EPHA5: variants seen among roughly 807,000 people sequenced by gnomAD.
EPHA5 encodes the protein EPH receptor A5, also known as ephrin type-A receptor 5.
EPHA5 carries 60 observed loss-of-function variants against 105.0 expected under a neutral mutation model. The observed-to-expected ratio is 0.57, with a 90% CI of 0.46 to 0.71. The LOEUF (loss-of-function observed/expected upper bound fraction) is 0.71, where lower values mean the gene tolerates loss of function less well. EPHA5 is among the 30% of genes least tolerant of loss of function. EPHA5 has a pLI of 0.00. For missense variants in EPHA5, 1,218 were observed against 1,274.7 expected, an observed-to-expected ratio of 0.96 and a Z score of 0.68; for synonymous variants, 513 against 449.1, an observed-to-expected ratio of 1.14 and a Z score of -1.80.
At chr4:65,600,653 G>C (rs1237267693) in intron 3 of EPHA5, among the ~76,000 whole-genome samples, 1 of 152,068 alleles carries the variant, frequency 6.6e-6, no homozygotes, top group Non-Finnish European at 1.5e-5. Flanking sequence ...GTGGGACTAA[G>C]GGGCTGCTCA....
At chr4:65,500,157 A>G (rs138666087) in intron 3 of EPHA5, among the ~76,000 whole-genome samples, 110 of 151,618 alleles carry the variant, frequency 7.3e-4, no homozygotes, top group African/African-American at 2.5e-3. Context: ...CCAATCCAAA[A>G]TGGTTTATTA....
chr4:65,420,395 G>GA (rs138755728), intron 6 of EPHA5, 46 bp downstream of exon 6: 185,980 of 1,238,224 alleles, frequency 0.15, 5,750 homozygotes, highest in East Asian at 0.19. Context: ...TTGCTAAAAT[G>GA]AAAAAAAAAA....
chr4:65,329,810 T>A (rs1411051672), intron 16 of EPHA5, among the ~76,000 whole-genome samples: 7 of 26,452 alleles, frequency 2.6e-4, no homozygotes, highest in Non-Finnish European at 1.8e-4. Context: ...AATGACTGAC[T>A]TTTTTTTTTT....
intron 16 of EPHA5, among the ~76,000 whole-genome samples, chr4:65,328,351 C>A (rs1483037642): frequency 6.6e-6 from 1 of 151,042 alleles, no homozygotes; most frequent in Non-Finnish European, 1.5e-5. Flanking sequence ...AATGGAAAAA[C>A]ACTGATATTA....
At position 65,655,477 on chromosome 4, in the gene EPHA5, G is replaced by A. The variant is rs79699255; in HGVS notation, c.182-12050C>T. Reference sequence around the variant, plus strand: ...AGCCAGCTATGCCTTGGCTCAATGAGGTGAATCTACCTATTACACAGCTGT... The same window carrying A: ...AGCCAGCTATGCCTTGGCTCAATGAAGTGAATCTACCTATTACACAGCTGT... On this transcript the variant is annotated intron_variant, in intron 1 of 16. Transcript: ENST00000613740. 9.3e-3 allele frequency among the ~76,000 whole-genome samples: 1,413 copies of A among 152,152 alleles called. 25 individuals carry two copies. Among genetic ancestry groups the A allele is most frequent in the African/African-American group, 0.032 (1,325 of 41,520 alleles).
intron 7 of EPHA5, among the ~76,000 whole-genome samples, chr4:65,413,925 G>GA (rs1215117238): frequency 6.6e-6 from 1 of 152,072 alleles, no homozygotes; most frequent in Non-Finnish European, 1.5e-5. Context: ...AATTTTCAAA[G>GA]AAAGACTAAA....
intron 5 of EPHA5, among the ~76,000 whole-genome samples, chr4:65,486,024 C>T (rs1044688738): frequency 7.2e-5 from 11 of 152,092 alleles, no homozygotes; most frequent in African/African-American, 2.4e-4. Context: ...ACATTAACCA[C>T]CAGAAAAGAA....
intron 3 of EPHA5, among the ~76,000 whole-genome samples, chr4:65,519,251 A>G (rs749396932): frequency 6.6e-6 from 1 of 152,190 alleles, no homozygotes; most frequent in Non-Finnish European, 1.5e-5. Flanking sequence ...GTAAACCAGC[A>G]TATAAACAGA....
At chr4:65,582,544 C>CA (rs562889621) in intron 3 of EPHA5, among the ~76,000 whole-genome samples, 216 of 147,916 alleles carry the variant, frequency 1.5e-3, no homozygotes, top group South Asian at 3.8e-3. Flanking sequence ...GGCAAATTAT[C>CA]AAAAAAAAAT....
chr4:65,551,447 G>T (rs1737915307), intron 3 of EPHA5, among the ~76,000 whole-genome samples: 1 of 151,988 alleles, frequency 6.6e-6, no homozygotes, highest in Admixed American at 6.6e-5. Flanking sequence ...AAAAGCAATT[G>T]ACTGTCCTTA....
chr4:65,513,375 T>G (rs1433162711), intron 3 of EPHA5, among the ~76,000 whole-genome samples: 4 of 151,868 alleles, frequency 2.6e-5, no homozygotes, highest in Non-Finnish European at 4.4e-5. Flanking sequence ...AGATTTGGGG[T>G]TTTTTTGTTT....
At chr4:65,482,441 A>G (rs1730468510) in intron 5 of EPHA5, among the ~76,000 whole-genome samples, 1 of 152,170 alleles carries the variant, frequency 6.6e-6, no homozygotes, top group Admixed American at 6.5e-5. Context: ...TATTTTCTAT[A>G]CTGGGGAACA....
At chr4:65,360,202 T>C (rs1377850386) in intron 11 of EPHA5, among the ~76,000 whole-genome samples, 1 of 151,700 alleles carries the variant, frequency 6.6e-6, no homozygotes, top group African/African-American at 2.4e-5. Context: ...TTTAACATTA[T>C]TATCTTAAGT....
intron 13 of EPHA5, 71 bp downstream of exon 13, chr4:65,351,318 A>G (rs1456517123): frequency 1.5e-6 from 2 of 1,379,102 alleles, no homozygotes; most frequent in Middle Eastern, 1.9e-4. Context: ...TCTTTTAGCT[A>G]TTTCTTTCAG....
chr4:65,323,991 A>C lies in EPHA5; in HGVS notation c.*123T>G. 1 of 631,282 alleles carries C rather than the reference A, an allele frequency of 1.6e-6. No individual in the cohort carries two copies. Among genetic ancestry groups the C allele is most frequent in the South Asian group, 2.1e-5 (1 of 48,010 alleles). 39.1% of individuals were successfully genotyped at this position (631,282 alleles called of 1,614,324 possible). A position where few individuals can be genotyped will look rare whatever the true frequency, so the allele number is the denominator to read the frequency against. On this transcript the variant is annotated 3_prime_UTR_variant, in exon 17 of 17. Coordinates refer to ENST00000613740, the MANE Select transcript of EPHA5 (RefSeq NM_001281766.3). ...TGATTACAAATTCTGTGGCTGAGGCAAATGTTTTCTAAGGTTTAGAAATCA... is the reference window on the plus strand; with the variant it reads ...TGATTACAAATTCTGTGGCTGAGGCCAATGTTTTCTAAGGTTTAGAAATCA...
At position 65,669,989 on chromosome 4, in the gene EPHA5, A is replaced by G. The variant is rs1422026312; in HGVS notation, c.-247T>C. 1.0e-5 allele frequency: 5 copies of G among 477,912 alleles called. No individual in the cohort carries two copies. Among genetic ancestry groups the G allele is most frequent in the Non-Finnish European group, 1.7e-5 (5 of 301,016 alleles). 29.6% of individuals were successfully genotyped at this position (477,912 alleles called of 1,614,324 possible). On this transcript the variant is annotated 5_prime_UTR_variant, in exon 1 of 17. Transcript: ENST00000613740. ...AAATATTAGTTCTGGTTGCTAGTGCAGATCTGGACTCGGATCAAGGGTGTC... is the reference window on the plus strand; with the variant it reads ...AAATATTAGTTCTGGTTGCTAGTGCGGATCTGGACTCGGATCAAGGGTGTC...
intron 2 of EPHA5, among the ~76,000 whole-genome samples, chr4:65,632,119 C>T (rs1578636888): frequency 6.6e-6 from 1 of 151,892 alleles, no homozygotes; most frequent in Admixed American, 6.6e-5. Context: ...GATGAAGAAA[C>T]AGAAAGATTA....
chr4:65,349,597 A>G (rs1370192973), intron 13 of EPHA5, among the ~76,000 whole-genome samples: 1 of 152,132 alleles, frequency 6.6e-6, no homozygotes, highest in Non-Finnish European at 1.5e-5. Flanking sequence ...TAGGACTTAA[A>G]TTGCTGTTTA....
chr4:65,522,249 G>A (rs1210038422), intron 3 of EPHA5, among the ~76,000 whole-genome samples: 1 of 150,584 alleles, frequency 6.6e-6, no homozygotes, highest in African/African-American at 2.5e-5. Context: ...TCCCTAGTCT[G>A]TTGAATTCTT....
Sources: allele counts gnomAD v4.1 joint callset (sites outside exome capture counted in the v4.1 genomes callset), GRCh38; gene constraint gnomAD v4.1.1; transcripts MANE v1.5; gene names NCBI Gene and HGNC (gene_info 2026-07-23, HGNC 2026-07-21).